Variants in CEP112 observed in about 807,000 individuals in gnomAD.
CEP112 encodes centrosomal protein 112.
Under a neutral mutation model 153.0 loss-of-function variants are expected in CEP112, and 127 were observed. That is an observed-to-expected ratio of 0.83 (90% CI 0.72 to 0.96). CEP112 has a LOEUF of 0.96. Ranked by LOEUF, CEP112 falls within the 40% of genes least tolerant of loss-of-function variation. The probability of loss-of-function intolerance (pLI) is 0.00; values close to 1 mark genes in which losing one functional copy is unlikely to be tolerated. For missense variants in CEP112, 1,089 were observed against 1,101.2 expected (o/e 0.99, Z 0.16); for synonymous variants, 358 against 374.4 (o/e 0.96, Z 0.51).
intron 12 of CEP112, among the ~76,000 whole-genome samples, chr17:66,037,551 A>G (rs2065788880): frequency 6.6e-6 from 1 of 152,194 alleles, no homozygotes; most frequent in African/African-American, 2.4e-5. Context: ...CCATTTCAAC[A>G]AATTAAACTG....
chr17:65,754,988 C>T (rs1211119140), intron 21 of CEP112, among the ~76,000 whole-genome samples: 1 of 151,996 alleles, frequency 6.6e-6, no homozygotes, highest in African/African-American at 2.4e-5. Flanking sequence ...GGCTTGATAC[C>T]TAGGTATGGG....
At chr17:65,966,467 C>A (rs1483265958) in intron 17 of CEP112, among the ~76,000 whole-genome samples, 2 of 152,186 alleles carry the variant, frequency 1.3e-5, no homozygotes, top group African/African-American at 4.8e-5. Context: ...CTTCACATTA[C>A]AGTATACTTC....
At chr17:65,737,008 G>C (rs968984974) in intron 23 of CEP112, among the ~76,000 whole-genome samples, 6 of 152,138 alleles carry the variant, frequency 3.9e-5, no homozygotes, top group African/African-American at 1.4e-4. Flanking sequence ...ATAAATGTGA[G>C]TGAAAGTCAC....
chr17:65,663,185 T>C (rs1256472973), intron 24 of CEP112, among the ~76,000 whole-genome samples: 3 of 152,222 alleles, frequency 2.0e-5, no homozygotes, highest in African/African-American at 7.2e-5. Context: ...TAGGAAGCTT[T>C]AAAATACTAA....
Position 66,130,343 on chromosome 17 carries a change from G to A in CEP112, c.565-520C>T, listed in dbSNP as rs555040000. Among the ~76,000 whole-genome samples the A allele has an allele frequency of 4.6e-5, 7 of 152,238 alleles. 1 individual carries two copies. The highest frequency in any genetic ancestry group is 2.1e-4 in the South Asian group (1 of 4,822). On this transcript the variant is annotated intron_variant, in intron 5 of 26. Transcript: ENST00000535342. ...GTGTATTGTCGGGGGCAGGGGCGAC[G>A]TGAAAAGATGAATTATTCTCATAAA...
At chr17:66,186,897 T>C (rs1056757308) in intron 1 of CEP112, among the ~76,000 whole-genome samples, 2 of 152,204 alleles carry the variant, frequency 1.3e-5, no homozygotes, top group Non-Finnish European at 2.9e-5. Flanking sequence ...AGTCAGGTGG[T>C]ACCACCCCAA....
At chr17:65,833,758 C>G (rs975980134) in intron 21 of CEP112, among the ~76,000 whole-genome samples, 2 of 152,082 alleles carry the variant, frequency 1.3e-5, no homozygotes, top group Non-Finnish European at 2.9e-5. Flanking sequence ...TTGGAAGAAC[C>G]AATATCATTA....
intron 21 of CEP112, among the ~76,000 whole-genome samples, chr17:65,828,068 T>G (rs1388935739): frequency 6.6e-6 from 1 of 152,194 alleles, no homozygotes; most frequent in Non-Finnish European, 1.5e-5. Context: ...TCTCTCCTAC[T>G]AGAATGAGCT....
chr17:65,727,571 T>C (rs753730734), intron 23 of CEP112, among the ~76,000 whole-genome samples: 1 of 151,816 alleles, frequency 6.6e-6, no homozygotes, highest in African/African-American at 2.4e-5. Flanking sequence ...TTGAGATAAA[T>C]TGGGATGAAG....
chr17:65,968,646 G>C (rs1231821466), intron 17 of CEP112, among the ~76,000 whole-genome samples: 2 of 152,134 alleles, frequency 1.3e-5, no homozygotes, highest in East Asian at 3.8e-4. Flanking sequence ...ATCACAGTTA[G>C]GGCAGTTCAC....
chr17:65,822,224 T>C (rs2056624054), intron 21 of CEP112, among the ~76,000 whole-genome samples: 1 of 152,084 alleles, frequency 6.6e-6, no homozygotes, highest in African/African-American at 2.4e-5. Context: ...TCACTTTTCC[T>C]ATCCATGTTG....
chr17:66,106,921 A>G (rs2068807797), intron 6 of CEP112, among the ~76,000 whole-genome samples: 1 of 152,122 alleles, frequency 6.6e-6, no homozygotes, highest in African/African-American at 2.4e-5. Context: ...TGAATTCAAC[A>G]ACACATAAAA....
At chr17:65,995,043 C>T (rs1420761355) in intron 17 of CEP112, among the ~76,000 whole-genome samples, 1 of 151,992 alleles carries the variant, frequency 6.6e-6, no homozygotes, top group Non-Finnish European at 1.5e-5. Context: ...TGATCTCCAT[C>T]AAACCCGAAG....
At chr17:65,917,898 T>A (rs550538464) in intron 19 of CEP112, among the ~76,000 whole-genome samples, 1 of 152,094 alleles carries the variant, frequency 6.6e-6, no homozygotes, top group Non-Finnish European at 1.5e-5. Context: ...GAAACCTGGC[T>A]GGGCGCGGTG....
chr17:65,827,381 C>T (rs980409398), intron 21 of CEP112, among the ~76,000 whole-genome samples: 1 of 152,166 alleles, frequency 6.6e-6, no homozygotes, highest in Non-Finnish European at 1.5e-5. Flanking sequence ...TACTTTCTGG[C>T]TCTCATGACC....
chr17:65,681,009 G>A (rs1256912990), intron 24 of CEP112, among the ~76,000 whole-genome samples: 1 of 152,152 alleles, frequency 6.6e-6, no homozygotes, highest in Admixed American at 6.5e-5. Flanking sequence ...ATGAGATTTG[G>A]GTGGGGACAC....
intron 12 of CEP112, among the ~76,000 whole-genome samples, chr17:66,041,083 C>A (rs2065955415): frequency 8.4e-6 from 1 of 119,072 alleles, no homozygotes. Context: ...CCACTTTTCA[C>A]AGTAAATGGC....
intron 2 of CEP112, among the ~76,000 whole-genome samples, chr17:66,179,540 T>A (rs946669463): frequency 6.6e-6 from 1 of 152,184 alleles, no homozygotes; most frequent in Admixed American, 6.5e-5. Context: ...GTTGATTTTG[T>A]ACCCTGCATC....
chr17:66,153,928 A>T (rs1255596605), intron 4 of CEP112, among the ~76,000 whole-genome samples: 1 of 151,368 alleles, frequency 6.6e-6, no homozygotes, highest in Non-Finnish European at 1.5e-5. Flanking sequence ...TTTGGGAGGC[A>T]GAGGTGGGTG....
Sources: gnomAD v4.1 joint callset for allele counts (sites outside exome capture counted in the v4.1 genomes callset) on GRCh38, gnomAD v4.1.1 for gene constraint, MANE v1.5 for transcripts, NCBI Gene and HGNC (gene_info 2026-07-23, HGNC 2026-07-21) for gene names.